RUNX1: variants seen among roughly 807,000 people sequenced by gnomAD.
RUNX1 encodes RUNX family transcription factor 1, also known as runt-related transcription factor 1.
Under a neutral mutation model 42.8 loss-of-function variants are expected in RUNX1, and 19 were observed. The ratio of observed to expected loss-of-function variants is 0.44; its 90% CI spans 0.31 to 0.65. The LOEUF is 0.65. RUNX1 is among the 30% of genes least tolerant of loss of function. The pLI, the probability that RUNX1 is intolerant of heterozygous loss-of-function variation, is 0.07. For synonymous variants in RUNX1, 271 were observed against 289.4 expected (o/e 0.94, Z 0.64); for missense variants, 528 against 672.0 (o/e 0.79, Z 2.37).
intron 7 of RUNX1, among the ~76,000 whole-genome samples, chr21:34,832,195 A>AC (rs2057073105): frequency 6.6e-6 from 1 of 152,244 alleles, no homozygotes; most frequent in Non-Finnish European, 1.5e-5. Flanking sequence ...TACTAAGCAT[A>AC]TAGGTCTCCA....
intron 7 of RUNX1, among the ~76,000 whole-genome samples, chr21:34,832,520 G>C (rs2057078256): frequency 6.6e-6 from 1 of 152,110 alleles, no homozygotes; most frequent in Non-Finnish European, 1.5e-5. Context: ...GGCCAGTTAG[G>C]CAACGAGAGA....
At chr21:34,950,354 A>G (rs1000832821) in intron 2 of RUNX1, among the ~76,000 whole-genome samples, 1 of 152,244 alleles carries the variant, frequency 6.6e-6, no homozygotes, top group African/African-American at 2.4e-5. Context: ...ATGGGAAAGT[A>G]ATTTTGTACT....
In RUNX1 at chr21:34,859,366, C is replaced by T. The variant is rs111433804; in HGVS notation, c.613+108G>A. Reference sequence around the variant, plus strand: ...GGCTTTACGGGGGCCTGACATCCCCCTGGGGGAAAGGTTGAACCCAAGGAA... The same window carrying T: ...GGCTTTACGGGGGCCTGACATCCCCTTGGGGGAAAGGTTGAACCCAAGGAA... On this transcript the variant is annotated intron_variant, in intron 6 of 8. Transcript: ENST00000675419. 1.9e-3 allele frequency: 1,779 copies of T among 942,160 alleles called. 18 individuals are homozygous for T. The African/African-American group carries it at 0.023, about 12-fold the overall frequency. 58.4% of individuals were successfully genotyped at this position (942,160 alleles called of 1,614,324 possible).
At chr21:35,021,622 T>C (rs2059198839) in intron 2 of RUNX1, among the ~76,000 whole-genome samples, 2 of 152,214 alleles carry the variant, frequency 1.3e-5, no homozygotes, top group African/African-American at 4.8e-5. Context: ...GCATTTTGCT[T>C]GTAGAGTTGA....
chr21:34,892,177 G>A (rs1227984233), intron 3 of RUNX1, among the ~76,000 whole-genome samples: 1 of 152,140 alleles, frequency 6.6e-6, no homozygotes, highest in Non-Finnish European at 1.5e-5. Context: ...TCTTGCTATG[G>A]TTTGGAACCA....
intron 2 of RUNX1, among the ~76,000 whole-genome samples, chr21:34,966,344 A>G (rs2058718142): frequency 6.6e-6 from 1 of 152,246 alleles, no homozygotes; most frequent in Non-Finnish European, 1.5e-5. Flanking sequence ...CTTTAAGTGC[A>G]TTCTATGGAT....
intron 2 of RUNX1, among the ~76,000 whole-genome samples, chr21:34,925,619 C>T (rs2058387269): frequency 6.6e-6 from 1 of 152,218 alleles, no homozygotes; most frequent in African/African-American, 2.4e-5. Flanking sequence ...GGAAGCCCGG[C>T]TCTTCCTGAT....
intron 3 of RUNX1, among the ~76,000 whole-genome samples, chr21:34,888,921 C>A (rs1167243031): frequency 6.6e-6 from 1 of 151,532 alleles, no homozygotes; most frequent in Non-Finnish European, 1.5e-5. Context: ...CACCCCCGCG[C>A]CCCGCATCCA....
At chr21:34,972,425 C>T (rs1210203523) in intron 2 of RUNX1, among the ~76,000 whole-genome samples, 1 of 152,150 alleles carries the variant, frequency 6.6e-6, no homozygotes, top group Non-Finnish European at 1.5e-5. Flanking sequence ...TCATTATCTA[C>T]TCAAAGAAAT....
intron 2 of RUNX1, among the ~76,000 whole-genome samples, chr21:35,000,671 C>T (rs952787714): frequency 3.3e-5 from 5 of 152,204 alleles, no homozygotes; most frequent in African/African-American, 1.2e-4. Context: ...TAGTTGAGTG[C>T]TTCATGTTCT....
intron 7 of RUNX1, among the ~76,000 whole-genome samples, chr21:34,815,079 A>AT (rs2056807245): frequency 6.6e-6 from 1 of 152,198 alleles, no homozygotes; most frequent in African/African-American, 2.4e-5. Flanking sequence ...TGAAAAAAAA[A>AT]ATTAAAAAGC....
At chr21:35,013,643 T>C (rs1469192324) in intron 2 of RUNX1, among the ~76,000 whole-genome samples, 1 of 152,230 alleles carries the variant, frequency 6.6e-6, no homozygotes, top group Non-Finnish European at 1.5e-5. Flanking sequence ...GAATATAAGT[T>C]GGCACAGCCT....
chr21:34,814,278 A>G (rs1403323010), intron 7 of RUNX1, among the ~76,000 whole-genome samples: 1 of 152,144 alleles, frequency 6.6e-6, no homozygotes, highest in Non-Finnish European at 1.5e-5. Flanking sequence ...AAAATTAGGG[A>G]TGGAAGTTAC....
chr21:35,001,669 T>C (rs1478793701), intron 2 of RUNX1, among the ~76,000 whole-genome samples: 1 of 152,024 alleles, frequency 6.6e-6, no homozygotes, highest in African/African-American at 2.4e-5. Flanking sequence ...AAACAACATA[T>C]AAAAGACACC....
chr21:34,968,006 T>C (rs1177928523), intron 2 of RUNX1, among the ~76,000 whole-genome samples: 5 of 152,288 alleles, frequency 3.3e-5, no homozygotes, highest in Admixed American at 1.3e-4. Flanking sequence ...AAAACACTGA[T>C]TGACATTTCC....
chr21:35,017,785 G>A (rs1241554466), intron 2 of RUNX1, among the ~76,000 whole-genome samples: 2 of 152,154 alleles, frequency 1.3e-5, no homozygotes, highest in Non-Finnish European at 2.9e-5. Flanking sequence ...TTCAGGAAAG[G>A]AGCTGCAGGG....
intron 2 of RUNX1, among the ~76,000 whole-genome samples, chr21:34,945,836 T>C (rs1263690960): frequency 3.3e-5 from 5 of 152,198 alleles, no homozygotes; most frequent in Admixed American, 2.0e-4. Context: ...CTATCGAAGC[T>C]CTTTCTCCAG....
intron 6 of RUNX1, among the ~76,000 whole-genome samples, chr21:34,839,514 G>GTTTT (rs2057200241): frequency 6.6e-6 from 1 of 152,174 alleles, no homozygotes; most frequent in Admixed American, 6.5e-5. Flanking sequence ...TTAGATCTCA[G>GTTTT]AGACACGAAA....
intron 7 of RUNX1, among the ~76,000 whole-genome samples, chr21:34,803,244 T>A (rs1225703897): frequency 6.6e-5 from 10 of 152,096 alleles, no homozygotes; most frequent in Admixed American, 6.6e-4. Context: ...CTCATGTTTC[T>A]ATTAAAAAAT....
Sources: allele counts gnomAD v4.1 joint callset (sites outside exome capture counted in the v4.1 genomes callset), GRCh38; gene constraint gnomAD v4.1.1; transcripts MANE v1.5; gene names NCBI Gene and HGNC (gene_info 2026-07-23, HGNC 2026-07-21).